The following NTM variants were observed in gnomAD, a reference collection of about 807,000 sequenced individuals.
NTM encodes the protein neurotrimin, also known as IgLON family member 2.
NTM carries 13 observed loss-of-function variants against 42.1 expected under a neutral mutation model. That is an observed-to-expected ratio of 0.31 (90% CI 0.20 to 0.49). The LOEUF (loss-of-function observed/expected upper bound fraction) is 0.49, where lower values mean the gene tolerates loss of function less well. NTM is among the 20% of genes least tolerant of loss of function. NTM has a pLI of 0.99. For missense variants in NTM, 373 were observed against 452.8 expected, an observed-to-expected ratio of 0.82 and a Z score of 1.60; for synonymous variants, 187 against 179.2, an observed-to-expected ratio of 1.04 and a Z score of -0.35.
intron 1 of NTM, among the ~76,000 whole-genome samples, chr11:131,712,859 T>G (rs534669826): frequency 6.6e-6 from 1 of 151,816 alleles, no homozygotes; most frequent in East Asian, 1.9e-4. Context: ...CTGGGAGCCA[T>G]GGTGCCCGGC....
At position 131,573,680 on chromosome 11, in the gene NTM, C is replaced by G. The variant is rs531892889; in HGVS notation, c.82+202792C>G. 6 of 152,346 alleles carry G rather than the reference C, an allele frequency of 3.9e-5. No homozygotes were observed. The East Asian group carries it at 1.2e-3, about 29-fold the overall frequency. 9.4% of individuals were successfully genotyped at this position (152,346 alleles called of 1,614,324 possible). A position where few individuals can be genotyped will look rare whatever the true frequency, so the allele number is the denominator to read the frequency against. On this transcript the variant is annotated intron_variant, in intron 1 of 8. Transcript: ENST00000683400. ...AGAGATTATTTTCGTTAACAAGTGC[C>G]TTCTATCCAGATGACATTTTTCTGC...
chr11:131,462,848 A>AGCAG (rs1951525977), intron 1 of NTM, among the ~76,000 whole-genome samples: 1 of 151,816 alleles, frequency 6.6e-6, no homozygotes, highest in African/African-American at 2.4e-5. Flanking sequence ...TTCTCACTAG[A>AGCAG]GTAGGCCCAC....
chr11:131,387,298 C>T (rs1195313278), intron 1 of NTM, among the ~76,000 whole-genome samples: 2 of 151,162 alleles, frequency 1.3e-5, no homozygotes, highest in African/African-American at 4.9e-5. Flanking sequence ...TCTTGGAGCT[C>T]TCTCTCTCTC....
chr11:131,715,041 G>A (rs773899303), intron 1 of NTM, among the ~76,000 whole-genome samples: 1 of 152,132 alleles, frequency 6.6e-6, no homozygotes, highest in Non-Finnish European at 1.5e-5. Flanking sequence ...ATTGTGCTTG[G>A]TGCTCCAGGA....
At chr11:131,474,657 A>C (rs1952753015) in intron 1 of NTM, among the ~76,000 whole-genome samples, 1 of 152,074 alleles carries the variant, frequency 6.6e-6, no homozygotes, top group South Asian at 2.1e-4. Flanking sequence ...TGGACTTTTC[A>C]ACATTCATCT....
chr11:131,929,885 C>A (rs368698144), intron 2 of NTM, among the ~76,000 whole-genome samples: 1 of 152,112 alleles, frequency 6.6e-6, no homozygotes, highest in Non-Finnish European at 1.5e-5. Flanking sequence ...GGCTGAAATC[C>A]GTGAAATGTC....
At chr11:131,612,141 C>A (rs1298203943) in intron 1 of NTM, among the ~76,000 whole-genome samples, 1 of 152,216 alleles carries the variant, frequency 6.6e-6, no homozygotes, top group African/African-American at 2.4e-5. Flanking sequence ...CCTCAGTCAT[C>A]ACCAGCACTG....
chr11:131,958,604 T>C (rs2061802982), intron 2 of NTM, among the ~76,000 whole-genome samples: 1 of 152,194 alleles, frequency 6.6e-6, no homozygotes, highest in African/African-American at 2.4e-5. Context: ...GTTTTCTGTA[T>C]TTGAAACAAA....
At chr11:132,186,984 C>T (rs1168432744) in intron 3 of NTM, among the ~76,000 whole-genome samples, 8 of 152,184 alleles carry the variant, frequency 5.3e-5, no homozygotes, top group Admixed American at 5.2e-4. Flanking sequence ...TGTCCATTCC[C>T]TTGACTCCGT....
intron 1 of NTM, among the ~76,000 whole-genome samples, chr11:131,818,880 G>A (rs1036508108): frequency 2.0e-5 from 3 of 152,074 alleles, no homozygotes; most frequent in Non-Finnish European, 2.9e-5. Context: ...TGCAGTACAC[G>A]GAAAAGGAAC....
chr11:131,605,217 T>C (rs1047592355), intron 1 of NTM, among the ~76,000 whole-genome samples: 1 of 152,254 alleles, frequency 6.6e-6, no homozygotes, highest in African/African-American at 2.4e-5. Context: ...CTTGGGTCTT[T>C]TAAACTTTCT....
intron 1 of NTM, among the ~76,000 whole-genome samples, chr11:131,612,570 TG>T (rs1249612324): frequency 6.6e-6 from 1 of 152,178 alleles, no homozygotes; most frequent in Non-Finnish European, 1.5e-5. Context: ...GAAAAAGAAA[TG>T]GATGCATATT....
At chr11:132,181,955 TTTA>T (rs56263428) in intron 3 of NTM, among the ~76,000 whole-genome samples, 5,019 of 140,958 alleles carry the variant, frequency 0.036, 241 homozygotes, top group African/African-American at 0.11. Flanking sequence ...CACTATCTAG[TTTA>T]TTATTATTAT....
intron 3 of NTM, among the ~76,000 whole-genome samples, chr11:132,182,678 G>C (rs1270083376): frequency 6.6e-6 from 1 of 152,208 alleles, no homozygotes; most frequent in African/African-American, 2.4e-5. Flanking sequence ...TGAGGATGCA[G>C]TCTGCATTGC....
chr11:131,955,729 C>G (rs2061491082), intron 2 of NTM, among the ~76,000 whole-genome samples: 1 of 139,486 alleles, frequency 7.2e-6, no homozygotes, highest in South Asian at 2.7e-4. Context: ...TGGTGCTGTG[C>G]TGTGACTCCA....
chr11:131,388,028 A>G (rs1347899673), intron 1 of NTM, among the ~76,000 whole-genome samples: 2 of 152,220 alleles, frequency 1.3e-5, no homozygotes, highest in Non-Finnish European at 2.9e-5. Flanking sequence ...CCTTCAGGAT[A>G]TTCATCCTAA....
chr11:131,949,035 G>A (rs1274383779), intron 2 of NTM, among the ~76,000 whole-genome samples: 3 of 152,164 alleles, frequency 2.0e-5, no homozygotes, highest in African/African-American at 4.8e-5. Flanking sequence ...GTGACTCTAC[G>A]TGTTTGAGTA....
intron 1 of NTM, among the ~76,000 whole-genome samples, chr11:131,394,571 C>T (rs370345406): frequency 1.3e-5 from 2 of 152,288 alleles, no homozygotes; most frequent in African/African-American, 4.8e-5. Flanking sequence ...TCTGAACGAA[C>T]CTTCCAGCCC....
intron 4 of NTM, among the ~76,000 whole-genome samples, chr11:132,229,952 C>G (rs1566530421): frequency 1.3e-5 from 2 of 152,242 alleles, no homozygotes; most frequent in Admixed American, 1.3e-4. Flanking sequence ...AAGAGAGCAG[C>G]AACCTTCCTT....
Sources: allele counts gnomAD v4.1 joint callset (sites outside exome capture counted in the v4.1 genomes callset), GRCh38; gene constraint gnomAD v4.1.1; transcripts MANE v1.5; gene names NCBI Gene and HGNC (gene_info 2026-07-23, HGNC 2026-07-21).